The following NIT2 variants were observed in gnomAD, a reference collection of about 807,000 sequenced individuals.
The protein encoded by NIT2 is nitrilase family member 2, also known as omega-amidase NIT2.
Under a neutral mutation model 42.7 loss-of-function variants are expected in NIT2, and 46 were observed. The observed-to-expected ratio is 1.08, with a 90% CI of 0.85 to 1.38. The LOEUF is 1.38. NIT2 is among the 40% of genes most tolerant of loss of function. The probability of loss-of-function intolerance (pLI) is 0.00; values close to 1 mark genes in which losing one functional copy is unlikely to be tolerated. For missense variants in NIT2, 309 were observed against 342.5 expected, an observed-to-expected ratio of 0.90 and a Z score of 0.77; for synonymous variants, 123 against 121.9, an observed-to-expected ratio of 1.01 and a Z score of -0.06.
Position 100,345,750 on chromosome 3 carries a change from C to T in NIT2, c.430+72C>T. On this transcript the variant is annotated intron_variant, in intron 5 of 9. Transcript: ENST00000394140. ...AATCAGGTATTTATTTCTTTTTTGT[C>T]TCTCTCCGATTTCTTCACATAACCT... The T allele has an allele frequency of 4.2e-6, 4 of 945,848 alleles. No homozygotes were observed. In the South Asian group the frequency reaches 5.7e-5, roughly 14 times the overall value. The allele number at this position is 945,848 out of a possible 1,614,324, so 58.6% of individuals were successfully genotyped here. A position where few individuals can be genotyped will look rare whatever the true frequency, so the allele number is the denominator to read the frequency against.
At chr3:100,350,686 A>C (rs1706264349) in intron 7 of NIT2, among the ~76,000 whole-genome samples, 1 of 152,276 alleles carries the variant, frequency 6.6e-6, no homozygotes, top group South Asian at 2.1e-4. Flanking sequence ...GACATTGTCA[A>C]ATTTGGTGGG....
chr3:100,343,348 A>G (rs1256862262), intron 4 of NIT2, among the ~76,000 whole-genome samples: 2 of 151,596 alleles, frequency 1.3e-5, no homozygotes, highest in Non-Finnish European at 2.9e-5. Context: ...ATTTTTAAAT[A>G]TTTTTCCAAG....
chr3:100,341,834 G>C (rs1280294236), intron 4 of NIT2, among the ~76,000 whole-genome samples: 1 of 152,074 alleles, frequency 6.6e-6, no homozygotes, highest in Non-Finnish European at 1.5e-5. Flanking sequence ...CTGAGGTCAG[G>C]AGTTCAAGAC....
chr3:100,340,759 G>A (rs1706140527), intron 3 of NIT2, among the ~76,000 whole-genome samples: 2 of 151,994 alleles, frequency 1.3e-5, no homozygotes, highest in African/African-American at 4.8e-5. Flanking sequence ...TGAATTTCAG[G>A]AACAGTTTGG....
In NIT2 at chr3:100,341,088, A is replaced by T. The variant is rs1246011517; in HGVS notation, c.263A>T (p.Glu88Val). 2 of 1,611,802 alleles carry T rather than the reference A, an allele frequency of 1.2e-6. No homozygotes were observed. Among genetic ancestry groups the T allele is most frequent in the African/African-American group, 2.7e-5 (2 of 74,872 alleles). Residue 88 changes from glutamate to valine, a missense_variant, in exon 4 of 10, where the codon GAG (glutamate) becomes GTG (valine). Coordinates refer to ENST00000394140, the MANE Select transcript of NIT2 (RefSeq NM_020202.5). ...IYLIGGSIPE[E>V]DAGKLYNTCA... The stretch of plus-strand genomic sequence containing the variant: ...TCAATGAAAGGCTCTATCCCTGAAG[A>T]GGATGCTGGGAAATTATATAACACC...
intron 1 of NIT2, 69 bp downstream of exon 1, chr3:100,334,867 G>T: frequency 7.9e-7 from 1 of 1,257,936 alleles, no homozygotes; most frequent in Non-Finnish European, 1.0e-6. Context: ...CGGCGCCGGC[G>T]GTGGCTCGGC....
rs758915366 is a variant in NIT2 at position 100,339,840 on chromosome 3, C to T, written c.152C>T (p.Ala51Val). The T allele has an allele frequency of 8.1e-6, 13 of 1,609,602 alleles. No homozygotes were observed. The highest frequency in any genetic ancestry group is 1.3e-5 in the African/African-American group (1 of 74,644). Residue 51 changes from alanine (A) to valine (V), a missense_variant, in exon 3 of 10, where the codon GCG becomes GTG. Ala to Val is a moderately conservative substitution (Grantham distance 64, BLOSUM62 0). Transcript: ENST00000394140. ...GAATGCTTTAATTCTCCATATGGAG[C>T]GAAATATTTTCCTGAATATGCAGAG... Reference protein sequence around the residue: ...LPECFNSPYGAKYFPEYAEKI... With the variant: ...LPECFNSPYGVKYFPEYAEKI...
At position 100,341,378 on chromosome 3, in the gene NIT2, A is replaced by AT. The variant is rs566334232; in HGVS notation, c.336+227dup. 5.1e-3 allele frequency among the ~76,000 whole-genome samples: 761 copies of AT among 150,180 alleles called. 4 individuals carry two copies. The highest frequency in any genetic ancestry group is 8.2e-3 in the Non-Finnish European group (552 of 67,348). ...TTCTGCAAAGGAACAAGCTATAGTAATTTTTTTTTTGACAGAATCTCGCTC... is the reference window on the plus strand; with the variant it reads ...TTCTGCAAAGGAACAAGCTATAGTAATTTTTTTTTTTGACAGAATCTCGCTC... On this transcript the variant is annotated intron_variant, in intron 4 of 9. Coordinates refer to ENST00000394140, the MANE Select transcript of NIT2 (RefSeq NM_020202.5).
intron 3 of NIT2, among the ~76,000 whole-genome samples, chr3:100,340,367 GTT>G (rs750280715): frequency 7.0e-4 from 107 of 152,016 alleles, no homozygotes; most frequent in Admixed American, 1.1e-3. Context: ...TGCCAGGACT[GTT>G]TTTTACTATA....
chr3:100,353,403 A>G (rs528417470), intron 8 of NIT2, among the ~76,000 whole-genome samples: 1 of 152,298 alleles, frequency 6.6e-6, no homozygotes, highest in African/African-American at 2.4e-5. Flanking sequence ...TCAGAGCTCA[A>G]TGTGTGTGGT....
intron 4 of NIT2, among the ~76,000 whole-genome samples, chr3:100,343,268 T>C (rs1405977789): frequency 2.0e-5 from 3 of 152,116 alleles, no homozygotes; most frequent in Non-Finnish European, 2.9e-5. Context: ...TTTGGGAAGT[T>C]TTTTGACACT....
At chr3:100,350,760 G>C (rs909916117) in intron 7 of NIT2, among the ~76,000 whole-genome samples, 2 of 152,140 alleles carry the variant, frequency 1.3e-5, no homozygotes, top group African/African-American at 4.8e-5. Flanking sequence ...CAATGTGCAG[G>C]TTAGTTACAT....
At chr3:100,334,839 G>T (rs778870781) in intron 1 of NIT2, 41 bp downstream of exon 1, 45 of 1,209,022 alleles carry the variant, frequency 3.7e-5, no homozygotes, top group Non-Finnish European at 1.1e-5. Context: ...AGTTCGGGCC[G>T]CGGGGGAGGC....
At chr3:100,336,460 G>A (rs1344854739) in intron 1 of NIT2, among the ~76,000 whole-genome samples, 2 of 152,110 alleles carry the variant, frequency 1.3e-5, no homozygotes, top group African/African-American at 2.4e-5. Flanking sequence ...TTCGGCATAC[G>A]GAGGATCCCG....
At position 100,339,905 on chromosome 3, in the gene NIT2, G is replaced by C; in HGVS notation, c.217G>C (p.Ala73Pro). The stretch of plus-strand genomic sequence containing the variant: ...ATCCACACAGAAGCTTTCTGAAGTA[G>C]CAAAGGAATGCAGCATATATCTCAT... ...GESTQKLSEVAKECSIYLIGG... is the reference protein window; with the variant it reads ...GESTQKLSEVPKECSIYLIGG... Residue 73 changes from alanine to proline, a missense_variant, in exon 3 of 10, where the codon GCA (alanine) becomes CCA (proline). Coordinates refer to ENST00000394140, the MANE Select transcript of NIT2 (RefSeq NM_020202.5). 6.2e-7 allele frequency: 1 copy of C among 1,613,740 alleles called. No homozygotes were observed. The highest frequency in any genetic ancestry group is 8.5e-7 in the Non-Finnish European group (1 of 1,179,814).
At chr3:100,341,585 G>A (rs1302977746) in intron 4 of NIT2, among the ~76,000 whole-genome samples, 1 of 151,824 alleles carries the variant, frequency 6.6e-6, no homozygotes, top group East Asian at 1.9e-4. Flanking sequence ...AGCCAGGATG[G>A]TCTCAATCTC....
rs1303412002 is a variant in NIT2, at chr3:100,360,759, G to GT, written c.*5492dup. On this transcript the variant is annotated 3_prime_UTR_variant, in exon 10 of 10. Transcript: ENST00000394140. Reference sequence around the variant, plus strand: ...AGTCAGTTCTCCATACATTTTGTGAGTAGAGGCATTGGTGTTTTGTTCCAA... The same window carrying GT: ...AGTCAGTTCTCCATACATTTTGTGAGTTAGAGGCATTGGTGTTTTGTTCCAA... 6.6e-6 allele frequency: 1 copy of GT among 152,218 alleles called. No individual in the cohort carries two copies. The highest frequency in any genetic ancestry group is 1.5e-5 in the Non-Finnish European group (1 of 68,038). The allele number at this position is 152,218 out of a possible 1,614,324, so 9.4% of individuals were successfully genotyped here. A position where few individuals can be genotyped will look rare whatever the true frequency, so the allele number is the denominator to read the frequency against.
Position 100,334,876 on chromosome 3 carries a change from G to A in NIT2, c.7+78G>A, listed in dbSNP as rs763428865. 12 of 1,204,290 alleles carry A rather than the reference G, an allele frequency of 1.0e-5. No individual in the cohort carries two copies. The African/African-American group carries it at 1.9e-4, about 19-fold the overall frequency. The allele number at this position is 1,204,290 out of a possible 1,614,324, so 74.6% of individuals were successfully genotyped here. On this transcript the variant is annotated intron_variant, in intron 1 of 9. Transcript: ENST00000394140. ...TTGGAGCGGCGCCGGCGGTGGCTCG[G>A]CCGGCTCAGCCCCTCCGCCCCGCGT...
rs1219306927 is a variant in NIT2, at chr3:100,361,083, T to C, written c.*5815T>C. The C allele has an allele frequency of 6.5e-6, 1 of 153,020 alleles. No homozygotes were observed. Among genetic ancestry groups the C allele is most frequent in the Non-Finnish European group, 1.5e-5 (1 of 68,046 alleles). 9.5% of individuals were successfully genotyped at this position (153,020 alleles called of 1,614,324 possible). ...TCTGTTGTCTGACCCAGGAGTCTCATGTCTTCTGCCAGCATTCAGAAAACT... is the reference window on the plus strand; with the variant it reads ...TCTGTTGTCTGACCCAGGAGTCTCACGTCTTCTGCCAGCATTCAGAAAACT... On this transcript the variant is annotated 3_prime_UTR_variant, in exon 10 of 10. Transcript: ENST00000394140.
Sources: gnomAD v4.1 joint callset for allele counts (sites outside exome capture counted in the v4.1 genomes callset) on GRCh38, gnomAD v4.1.1 for gene constraint, MANE v1.5 for transcripts, NCBI Gene and HGNC (gene_info 2026-07-23, HGNC 2026-07-21) for gene names.